Variants in DCBLD2 observed in about 807,000 individuals in gnomAD.
DCBLD2 encodes discoidin, CUB and LCCL domain containing 2.
DCBLD2 carries 54 observed loss-of-function variants against 86.8 expected under a neutral mutation model. The observed-to-expected ratio is 0.62, with a 90% confidence interval of 0.50 to 0.78. The LOEUF (loss-of-function observed/expected upper bound fraction) is 0.78. Among genes scored for constraint, DCBLD2 ranks in the 30% least tolerant of loss-of-function variants. The pLI, the probability that DCBLD2 is intolerant of heterozygous loss-of-function variation, is 0.00. For missense variants in DCBLD2, 908 were observed against 954.2 expected, an observed-to-expected ratio of 0.95 and a Z score of 0.64; for synonymous variants, 354 against 341.3, an observed-to-expected ratio of 1.04 and a Z score of -0.41.
At chr3:98,839,187 C>T (rs868070067) in intron 3 of DCBLD2, among the ~76,000 whole-genome samples, 15 of 138,504 alleles carry the variant, frequency 1.1e-4, no homozygotes, top group South Asian at 4.8e-4. Context: ...TTTCTTCCTT[C>T]CTTCCTTCCT....
At position 98,872,288 on chromosome 3, in the gene DCBLD2, C is replaced by T. The variant is rs78896635; in HGVS notation, c.433+9252G>A. On this transcript the variant is annotated intron_variant, in intron 2 of 15. Coordinates refer to ENST00000326840, the MANE Select transcript of DCBLD2 (RefSeq NM_080927.4). ...TTATAAATTGATTAATGCCATCTCA[C>T]GGGAGTGAGTTCTCACTCTAACAGG... Among the ~76,000 whole-genome samples, 977 of 152,238 alleles carry T rather than the reference C, an allele frequency of 6.4e-3. 54 individuals carry two copies. The East Asian group carries it at 0.16, about 25-fold the overall frequency.
chr3:98,858,883 C>T (rs548198756), intron 2 of DCBLD2, among the ~76,000 whole-genome samples: 20 of 152,286 alleles, frequency 1.3e-4, no homozygotes, highest in African/African-American at 2.6e-4. Context: ...GTGTGAGCGA[C>T]GCAGAAGATG....
Position 98,901,291 on chromosome 3 carries a change from G to C in DCBLD2, c.36C>G (p.Cys12Trp). Residue 12 changes from cysteine to tryptophan, a missense_variant, in exon 1 of 16, where the codon TGC becomes TGG. Cys to Trp is a radical substitution (Grantham distance 215). Around this residue, in one of 3 missense-constraint regions of DCBLD2, gnomAD observed 294 missense variants for 256.0 expected, o/e 1.15. Transcript: ENST00000326840. ...ASRAVVRARR[C>W]PQCPQVRAAA... is the part of the protein sequence containing the mutation. ...CGGCCCGGACTTGGGGACACTGCGG[G>C]CAGCGCCTGGCTCTCACCACCGCCC... 2.6e-6 allele frequency: 4 copies of C among 1,518,372 alleles called. No individual in the cohort carries two copies. The highest frequency in any genetic ancestry group is 2.4e-5 in the South Asian group (2 of 81,818). 94.1% of individuals were successfully genotyped at this position (1,518,372 alleles called of 1,614,324 possible).
intron 13 of DCBLD2, among the ~76,000 whole-genome samples, chr3:98,803,000 T>C (rs1941758499): frequency 6.6e-6 from 1 of 152,210 alleles, no homozygotes; most frequent in African/African-American, 2.4e-5. Flanking sequence ...CCAGCTTTGT[T>C]CTTTTGGCTT....
At chr3:98,858,033 G>A (rs373843600) in intron 2 of DCBLD2, among the ~76,000 whole-genome samples, 4 of 152,360 alleles carry the variant, frequency 2.6e-5, no homozygotes, top group African/African-American at 4.8e-5. Flanking sequence ...GGCGGTGCTC[G>A]TCGGGGAGGC....
chr3:98,893,014 T>C (rs1943690040), intron 1 of DCBLD2, among the ~76,000 whole-genome samples: 1 of 152,124 alleles, frequency 6.6e-6, no homozygotes, highest in Non-Finnish European at 1.5e-5. Context: ...CATGCCTTTC[T>C]GCCACATTCC....
At chr3:98,855,019 G>A (rs906172686) in intron 2 of DCBLD2, among the ~76,000 whole-genome samples, 11 of 151,130 alleles carry the variant, frequency 7.3e-5, no homozygotes, top group African/African-American at 2.2e-4. Flanking sequence ...TAAAATTAAC[G>A]TTTATTTATC....
At chr3:98,826,685 C>G (rs544398100) in intron 3 of DCBLD2, among the ~76,000 whole-genome samples, 1 of 152,262 alleles carries the variant, frequency 6.6e-6, no homozygotes, top group South Asian at 2.1e-4. Context: ...GCAATAACAG[C>G]ATATGGTATA....
At chr3:98,826,018 A>C (rs1447963388) in intron 3 of DCBLD2, among the ~76,000 whole-genome samples, 2 of 151,348 alleles carry the variant, frequency 1.3e-5, no homozygotes, top group East Asian at 3.9e-4. Context: ...TTTCTTAAGC[A>C]CACGGAAGCT....
chr3:98,870,737 A>AAAAGAAAGAAAGAAAGAAAG (rs199615171), intron 2 of DCBLD2, among the ~76,000 whole-genome samples: 79 of 69,812 alleles, frequency 1.1e-3, no homozygotes, highest in Non-Finnish European at 1.4e-3. Flanking sequence ...AAAAGAAAGA[A>AAAAGAAAGAAAGAAAGAAAG]AAAGAAAGAA....
At chr3:98,856,912 G>C (rs1291551643) in intron 2 of DCBLD2, among the ~76,000 whole-genome samples, 1 of 152,186 alleles carries the variant, frequency 6.6e-6, no homozygotes, top group Non-Finnish European at 1.5e-5. Context: ...GAAATGAAAG[G>C]GGATATAAAT....
At chr3:98,816,868 AC>A (rs1332820491) in intron 9 of DCBLD2, among the ~76,000 whole-genome samples, 2 of 151,962 alleles carry the variant, frequency 1.3e-5, no homozygotes, top group Non-Finnish European at 2.9e-5. Flanking sequence ...TGCAGCCTCA[AC>A]CTCCTGGGTT....
chr3:98,863,449 T>C (rs1484329919), intron 2 of DCBLD2, among the ~76,000 whole-genome samples: 4 of 152,090 alleles, frequency 2.6e-5, no homozygotes, highest in African/African-American at 7.2e-5. Flanking sequence ...ATCAAGCTAC[T>C]TGACTTCAAA....
intron 1 of DCBLD2, among the ~76,000 whole-genome samples, chr3:98,894,720 G>A (rs1174275056): frequency 1.3e-5 from 2 of 152,074 alleles, no homozygotes; most frequent in Non-Finnish European, 2.9e-5. Flanking sequence ...ACGGGGATTA[G>A]GCAAAGGACA....
intron 13 of DCBLD2, chr3:98,801,884 CTCA>C: frequency 2.5e-6 from 1 of 404,606 alleles, no homozygotes; most frequent in Non-Finnish European, 4.5e-6. Context: ...AGGACAGGAA[CTCA>C]TCATTTTTTA....
At chr3:98,817,672 C>T in intron 9 of DCBLD2, 97 bp downstream of exon 9, 1 of 1,247,682 alleles carries the variant, frequency 8.0e-7, no homozygotes. Context: ...ATAAGACATT[C>T]TAAACTTCTA....
chr3:98,838,090 G>C, intron 3 of DCBLD2, among the ~76,000 whole-genome samples: 1 of 140,702 alleles, frequency 7.1e-6, no homozygotes, highest in Non-Finnish European at 1.6e-5. Flanking sequence ...TGGCCAGGCC[G>C]GGGGCTGAAC....
chr3:98,803,852 G>A (rs1460307586), intron 13 of DCBLD2, among the ~76,000 whole-genome samples: 1 of 152,174 alleles, frequency 6.6e-6, no homozygotes, highest in African/African-American at 2.4e-5. Context: ...TACGTTTATT[G>A]ATTTGCATAT....
chr3:98,887,722 G>C (rs1943586688), intron 1 of DCBLD2, among the ~76,000 whole-genome samples: 1 of 151,930 alleles, frequency 6.6e-6, no homozygotes, highest in South Asian at 2.1e-4. Flanking sequence ...TGAATAGAAA[G>C]AACAGATATT....
Sources: gnomAD v4.1 joint callset for allele counts (sites outside exome capture counted in the v4.1 genomes callset) on GRCh38, gnomAD v4.1.1 for gene constraint, gnomAD v4.1.1 regional missense constraint, MANE v1.5 for transcripts, NCBI Gene and HGNC (gene_info 2026-07-23, HGNC 2026-07-21) for gene names.